Variants in MRPL46 observed in about 807,000 individuals in gnomAD.
MRPL46 encodes mitochondrial ribosomal protein L46, also known as large ribosomal subunit protein mL46.
MRPL46 carries 26 observed loss-of-function variants against 31.0 expected under a neutral mutation model. The observed-to-expected ratio is 0.84, with a 90% CI of 0.61 to 1.16. The LOEUF is 1.16. MRPL46 is among the 50% of genes most tolerant of loss of function. MRPL46 has a pLI of 0.00. For missense variants in MRPL46, 395 were observed against 340.0 expected, an observed-to-expected ratio of 1.16 and a Z score of -1.27; for synonymous variants, 159 against 141.3, an observed-to-expected ratio of 1.13 and a Z score of -0.89.
At chr15:88,464,934 C>A in intron 2 of MRPL46, 58 bp from the exon 3 acceptor site, 1 of 1,549,342 alleles carries the variant, frequency 6.5e-7, no homozygotes, top group Non-Finnish European at 8.7e-7. Flanking sequence ...AACCAAGAAA[C>A]CTGGAGTTTT....
chr15:88,467,131 C>G lies in MRPL46; in HGVS notation c.228+19G>C, dbSNP rs370450358. The G allele has an allele frequency of 6.2e-7, 1 of 1,609,772 alleles. No homozygotes were observed. Among genetic ancestry groups the G allele is most frequent in the Non-Finnish European group, 8.5e-7 (1 of 1,176,534 alleles). ...CACGCAGAATAAACGTCACTCTGAA[C>G]CCTGCATCTCAGTCCCACCTGCTGC... is the stretch of plus-strand genomic sequence containing the variant. On this transcript the variant is annotated intron_variant, in intron 1 of 3. Transcript: ENST00000312475.
In MRPL46 at chr15:88,459,594, C is replaced by A; in HGVS notation, c.*19G>T. 1.2e-6 allele frequency: 2 copies of A among 1,613,350 alleles called. No homozygotes were observed. Among genetic ancestry groups the A allele is most frequent in the Non-Finnish European group, 1.7e-6 (2 of 1,179,950 alleles). ...AATCCCAGACTTGTCTGAGCACCGT[C>A]CACAGGCAGCTCGGCCCATCAGAGG... On this transcript the variant is annotated 3_prime_UTR_variant, in exon 4 of 4. Coordinates refer to ENST00000312475, the MANE Select transcript of MRPL46 (RefSeq NM_022163.4).
At chr15:88,465,126 A>G in intron 2 of MRPL46, 2 of 440,654 alleles carry the variant, frequency 4.5e-6, no homozygotes, top group Non-Finnish European at 3.9e-6. Flanking sequence ...TGAGTCTTCA[A>G]AAAAGAAACA....
intron 1 of MRPL46, among the ~76,000 whole-genome samples, chr15:88,466,921 G>A (rs370933644): frequency 1.2e-3 from 190 of 152,318 alleles, no homozygotes; most frequent in African/African-American, 4.1e-3. Flanking sequence ...TCCCTATTGT[G>A]TTGCATGAAC....
chr15:88,460,845 C>T (rs2055471851), intron 3 of MRPL46: 2 of 152,154 alleles, frequency 1.3e-5, no homozygotes, highest in South Asian at 4.1e-4. Flanking sequence ...AAAGGATTCT[C>T]ATGCCTCAGC....
Position 88,465,746 on chromosome 15 carries a change from C to T in MRPL46, c.256G>A (p.Asp86Asn). The T allele has an allele frequency of 6.2e-7, 1 of 1,611,670 alleles. No homozygotes were observed. Among genetic ancestry groups the T allele is most frequent in the South Asian group, 1.1e-5 (1 of 90,668 alleles). The change falls in exon 2 of 4, where the codon GAC (aspartate) becomes AAC (asparagine). Residue 86 changes from aspartate (D) to asparagine (N), a missense_variant. Asp to Asn is a conservative substitution (Grantham distance 23, BLOSUM62 1). Transcript: ENST00000312475. ...TCATCCAGAGCACGAAGCTCGTGGT[C>T]TGAATACAGGCTTCTCTCTATCTCA... ...QIEIERSLYS[D>N]HELRALDENQ...
chr15:88,465,805 T>C, intron 1 of MRPL46, 32 bp from the exon 2 acceptor site: 1 of 1,527,872 alleles, frequency 6.5e-7, no homozygotes, highest in Non-Finnish European at 8.7e-7. Context: ...AAAACTACCT[T>C]AATCTGGCAA....
chr15:88,464,936 T>C, intron 2 of MRPL46, 60 bp from the exon 3 acceptor site: 2 of 1,545,684 alleles, frequency 1.3e-6, no homozygotes, highest in Non-Finnish European at 1.7e-6. Context: ...CCAAGAAACC[T>C]GGAGTTTTAC....
At chr15:88,460,609 T>A (rs2055470245) in intron 3 of MRPL46, 1 of 152,246 alleles carries the variant, frequency 6.6e-6, no homozygotes, top group African/African-American at 2.4e-5. Flanking sequence ...GATTCCATAC[T>A]CAGTCCTCAC....
chr15:88,459,761 A>C lies in MRPL46; in HGVS notation c.692T>G (p.Val231Gly). The C allele has an allele frequency of 6.2e-7, 1 of 1,614,232 alleles. No individual in the cohort carries two copies. Among genetic ancestry groups the C allele is most frequent in the Non-Finnish European group, 8.5e-7 (1 of 1,180,044 alleles). The change falls in exon 4 of 4, where the codon GTG becomes GGG. Residue 231 changes from valine (V) to glycine (G), a missense_variant. Val to Gly is a moderately radical substitution (Grantham distance 109). Coordinates refer to ENST00000312475, the MANE Select transcript of MRPL46 (RefSeq NM_022163.4). ...TAATAGCAGTGCTTTGAAGAAGAACACCTTGGCTCCGAGGTTACTCTCTGT... is the reference window on the plus strand; with the variant it reads ...TAATAGCAGTGCTTTGAAGAAGAACCCCTTGGCTCCGAGGTTACTCTCTGT... Reference protein sequence around the residue: ...MRTESNLGAKVFFFKALLLTG... With the variant: ...MRTESNLGAKGFFFKALLLTG...
intron 3 of MRPL46, chr15:88,461,428 A>G (rs1260914997): frequency 6.6e-6 from 1 of 152,194 alleles, no homozygotes; most frequent in South Asian, 2.1e-4. Context: ...AACAAATTAA[A>G]AAGAAAAATG....
chr15:88,462,277 T>A (rs906908174), intron 3 of MRPL46: 4 of 152,224 alleles, frequency 2.6e-5, no homozygotes, highest in African/African-American at 9.6e-5. Context: ...GCATATTTCT[T>A]TACACTTTCC....
chr15:88,460,799 A>C (rs963239462), intron 3 of MRPL46: 1 of 151,938 alleles, frequency 6.6e-6, no homozygotes, highest in African/African-American at 2.4e-5. Context: ...GCAGTCGTGC[A>C]ATCTTGGTTC....
intron 1 of MRPL46, 83 bp from the exon 2 acceptor site, chr15:88,465,856 C>T (rs2055523684): frequency 3.8e-6 from 5 of 1,308,442 alleles, no homozygotes; most frequent in South Asian, 3.1e-5. Context: ...AAAACAGAGA[C>T]ATGGCACACT....
chr15:88,467,096 C>T (rs1320394135), intron 1 of MRPL46, 54 bp downstream of exon 1: 5 of 1,578,502 alleles, frequency 3.2e-6, no homozygotes, highest in Admixed American at 3.4e-5. Flanking sequence ...TGAAATTACT[C>T]GCTCAAAGTC....
In MRPL46 at chr15:88,459,551, C is replaced by G. The variant is rs1354990380; in HGVS notation, c.*62G>C. 6 of 1,598,486 alleles carry G rather than the reference C, an allele frequency of 3.8e-6. No individual in the cohort carries two copies. Among genetic ancestry groups the G allele is most frequent in the Admixed American group, 1.7e-5 (1 of 58,646 alleles). On this transcript the variant is annotated 3_prime_UTR_variant, in exon 4 of 4. Coordinates refer to ENST00000312475, the MANE Select transcript of MRPL46 (RefSeq NM_022163.4). ...TACCTGCAAATGTGAGGCAATCACA[C>G]AATGTCCTTGAGGCTCTAATCCCAG... is the stretch of plus-strand genomic sequence containing the variant.
chr15:88,466,023 A>G (rs140141378), intron 1 of MRPL46, among the ~76,000 whole-genome samples: 244 of 152,302 alleles, frequency 1.6e-3, no homozygotes, highest in Middle Eastern at 0.014. Context: ...GAGTGCTACA[A>G]AAACAGAGAG....
chr15:88,466,070 A>G (rs766353919), intron 1 of MRPL46, among the ~76,000 whole-genome samples: 17 of 152,212 alleles, frequency 1.1e-4, no homozygotes, highest in Non-Finnish European at 2.2e-4. Flanking sequence ...ACCACAATCC[A>G]GTCATGTCAG....
At chr15:88,459,989 A>C in intron 3 of MRPL46, 126 bp from the exon 4 acceptor site, 1 of 1,205,436 alleles carries the variant, frequency 8.3e-7, no homozygotes, top group Admixed American at 2.3e-5. Flanking sequence ...ATCCCTAGGA[A>C]TAGGACTAGA....
Sources: gnomAD v4.1 joint callset for allele counts (sites outside exome capture counted in the v4.1 genomes callset) on GRCh38, gnomAD v4.1.1 for gene constraint, MANE v1.5 for transcripts, NCBI Gene and HGNC (gene_info 2026-07-23, HGNC 2026-07-21) for gene names.